Variants in EVC2 observed in about 807,000 individuals in gnomAD.
EVC2 encodes EvC ciliary complex subunit 2, also known as limbin.
A neutral mutation model predicts 149.3 loss-of-function variants in EVC2; 148 were observed. That is an observed-to-expected ratio of 0.99 (90% CI 0.87 to 1.14). The LOEUF is 1.14. Among genes scored for constraint, EVC2 ranks in the 50% most tolerant of loss-of-function variants. The probability of loss-of-function intolerance (pLI) is 0.00; values close to 1 mark genes in which losing one functional copy is unlikely to be tolerated. For synonymous variants in EVC2, 776 were observed against 649.9 expected (o/e 1.19, Z -2.95); for missense variants, 1,854 against 1,627.3 (o/e 1.14, Z -2.40).
chr4:5,546,427 A>G (rs938476669), intron 21 of EVC2, among the ~76,000 whole-genome samples: 58 of 152,168 alleles, frequency 3.8e-4, no homozygotes, highest in Admixed American at 9.2e-4. Flanking sequence ...GACATGGATG[A>G]AACTGGAAAC....
intron 18 of EVC2, among the ~76,000 whole-genome samples, chr4:5,575,690 G>A (rs1722884011): frequency 6.6e-6 from 1 of 152,176 alleles, no homozygotes; most frequent in African/African-American, 2.4e-5. Flanking sequence ...TAAAAATTGT[G>A]TTTTTCCAAG....
chr4:5,584,492 T>C (rs1712088691), intron 17 of EVC2, 131 bp downstream of exon 17: 1 of 943,366 alleles, frequency 1.1e-6, no homozygotes, highest in Non-Finnish European at 1.6e-6. Context: ...TGTCACTTCG[T>C]TTAATCCTCA....
intron 11 of EVC2, among the ~76,000 whole-genome samples, chr4:5,629,935 G>C (rs1161284203): frequency 6.6e-6 from 1 of 152,206 alleles, no homozygotes; most frequent in Non-Finnish European, 1.5e-5. Context: ...ATCACCTGTG[G>C]AGTTACTTTC....
Position 5,670,765 on chromosome 4 carries a change from G to A in EVC2, c.871-5116C>T, listed in dbSNP as rs920192092. Among the ~76,000 whole-genome samples, 41 of 136,656 alleles carry A rather than the reference G, an allele frequency of 3.0e-4. No individual in the cohort carries two copies. Among genetic ancestry groups the A allele is most frequent in the African/African-American group, 9.5e-4 (34 of 35,692 alleles). The allele number at this position is 136,656 out of a possible 152,430, so 89.7% of individuals were successfully genotyped here. ...CATCAACGCCATCATCAGCAGCATCGCCATCAAATTCATTATCACCATCAC... is the reference window on the plus strand; with the variant it reads ...CATCAACGCCATCATCAGCAGCATCACCATCAAATTCATTATCACCATCAC... On this transcript the variant is annotated intron_variant, in intron 7 of 21. Coordinates refer to ENST00000344408, the MANE Select transcript of EVC2 (RefSeq NM_147127.5). The surrounding 1 kb of genome is among the most constrained non-coding windows in gnomAD (Gnocchi z 5.2).
At chr4:5,546,357 A>G (rs989837490) in intron 21 of EVC2, among the ~76,000 whole-genome samples, 1 of 152,226 alleles carries the variant, frequency 6.6e-6, no homozygotes, top group African/African-American at 2.4e-5. Context: ...AACGTGGCAC[A>G]TATACACCAT....
intron 7 of EVC2, among the ~76,000 whole-genome samples, chr4:5,678,102 C>G (rs1720110088): frequency 6.6e-6 from 1 of 152,238 alleles, no homozygotes; most frequent in Non-Finnish European, 1.5e-5. Context: ...TGGGCCTCAG[C>G]TGATGTCTGG....
Position 5,619,575 on chromosome 4 carries a change from G to A in EVC2, c.2502-893C>T, listed in dbSNP as rs115537910. Among the ~76,000 whole-genome samples, 834 of 152,298 alleles carry A rather than the reference G, an allele frequency of 5.5e-3. 6 individuals are homozygous for A. The highest frequency in any genetic ancestry group is 0.019 in the African/African-American group (798 of 41,572). On this transcript the variant is annotated intron_variant, in intron 14 of 21. Coordinates refer to ENST00000344408, the MANE Select transcript of EVC2 (RefSeq NM_147127.5). ...GGACTTCCTACCTTCAGAACAGTGG[G>A]AGAATATATTTCTGTTGTTTTAAGC...
chr4:5,707,383 G>C (rs1395790983), intron 1 of EVC2, among the ~76,000 whole-genome samples: 1 of 152,116 alleles, frequency 6.6e-6, no homozygotes, highest in Non-Finnish European at 1.5e-5. Flanking sequence ...CACCACCCTA[G>C]GAGAGAGGTG....
At chr4:5,547,710 T>C (rs1426572395) in intron 21 of EVC2, among the ~76,000 whole-genome samples, 1 of 152,194 alleles carries the variant, frequency 6.6e-6, no homozygotes, top group Non-Finnish European at 1.5e-5. Context: ...TCCACTTGTC[T>C]GCGTGCTTCA....
chr4:5,627,520 G>A (rs1361816754), intron 12 of EVC2, among the ~76,000 whole-genome samples: 2 of 152,136 alleles, frequency 1.3e-5, no homozygotes, highest in African/African-American at 4.8e-5. Flanking sequence ...TCCCAACAAG[G>A]TTACCTAGTA....
intron 15 of EVC2, 143 bp from the exon 16 acceptor site, chr4:5,615,687 G>A (rs1427857445): frequency 8.3e-7 from 1 of 1,207,150 alleles, no homozygotes; most frequent in Non-Finnish European, 1.2e-6. Flanking sequence ...GAGGGGAGGA[G>A]AGAGGTATGT....
intron 10 of EVC2, among the ~76,000 whole-genome samples, chr4:5,635,288 C>T (rs931110906): frequency 1.3e-5 from 2 of 152,152 alleles, no homozygotes; most frequent in African/African-American, 4.8e-5. Flanking sequence ...CCACCTGTCT[C>T]GGCATCCCAA....
chr4:5,676,726 C>T (rs1720018898), intron 7 of EVC2, among the ~76,000 whole-genome samples: 1 of 152,214 alleles, frequency 6.6e-6, no homozygotes, highest in Admixed American at 6.5e-5. Flanking sequence ...CTCCAGGAAG[C>T]CTGCCAGTCC....
chr4:5,532,226 A>C, the EVC2 span, among the ~76,000 whole-genome samples: 8 of 152,084 alleles, frequency 5.3e-5, no homozygotes, highest in African/African-American at 1.9e-4. Flanking sequence ...CTCCAGCCTA[A>C]AGGCCATCTG....
Position 5,691,266 on chromosome 4 carries a change from A to C in EVC2, c.518T>G (p.Leu173Arg). ...ENGVIFQKCA[L>R]VSGSSEAQTA... Reference sequence around the variant, plus strand: ...TATACACCACCAGTGGAAACTTACCAGTGCACATTTCTGAAAAATTACTCC... The same window carrying C: ...TATACACCACCAGTGGAAACTTACCCGTGCACATTTCTGAAAAATTACTCC... The change falls in exon 4 of 22, where the codon CTG (leucine) becomes CGG (arginine). Residue 173 changes from leucine to arginine, a missense_variant and splice_region_variant. By Grantham distance (102) the Leu-to-Arg change is moderately radical. Coordinates refer to ENST00000344408, the MANE Select transcript of EVC2 (RefSeq NM_147127.5). The C allele has an allele frequency of 6.2e-7, 1 of 1,613,076 alleles. No individual in the cohort carries two copies. The highest frequency in any genetic ancestry group is 8.5e-7 in the Non-Finnish European group (1 of 1,179,144).
chr4:5,635,744 C>G lies in EVC2; in HGVS notation c.1471-3712G>C, dbSNP rs551066260. Among the ~76,000 whole-genome samples the G allele has an allele frequency of 2.0e-5, 3 of 152,320 alleles. No homozygotes were observed. In the South Asian group the frequency reaches 6.2e-4, roughly 32 times the overall value. On this transcript the variant is annotated intron_variant, in intron 10 of 21. Coordinates refer to ENST00000344408, the MANE Select transcript of EVC2 (RefSeq NM_147127.5). ...AATTCTTGTGCTGAGGACAAAGACT[C>G]ACACAGGGGTTAGAAAGCCTCAGGC...
chr4:5,615,657 A>G lies in EVC2; in HGVS notation c.2707-113T>C. 3 of 1,482,512 alleles carry G rather than the reference A, an allele frequency of 2.0e-6. No individual in the cohort carries two copies. In the South Asian group the frequency reaches 3.4e-5, roughly 17 times the overall value. The allele number at this position is 1,482,512 out of a possible 1,614,324, so 91.8% of individuals were successfully genotyped here. A position where few individuals can be genotyped will look rare whatever the true frequency, so the allele number is the denominator to read the frequency against. The stretch of plus-strand genomic sequence containing the variant: ...AGTTTCTGCAGCTCCCAGAACTGCA[A>G]AACTCTGCCTTAGGCCAGAGAGGGG... On this transcript the variant is annotated intron_variant, in intron 15 of 21. Transcript: ENST00000344408.
chr4:5,709,383 C>T (rs938006320), upstream of EVC2: 2 of 152,262 alleles, frequency 1.3e-5, no homozygotes, highest in African/African-American at 2.4e-5. Flanking sequence ...GCTCCACTCC[C>T]GCCAGCCTTC....
At chr4:5,660,293 A>C (rs1348134240) in intron 9 of EVC2, among the ~76,000 whole-genome samples, 1 of 152,158 alleles carries the variant, frequency 6.6e-6, no homozygotes, top group Non-Finnish European at 1.5e-5. Context: ...CTGGCTCTTC[A>C]CCAGGCACTC....
Sources: gnomAD v4.1 joint callset for allele counts (sites outside exome capture counted in the v4.1 genomes callset) on GRCh38, gnomAD v4.1.1 for gene constraint, Gnocchi (gnomAD v3.1) non-coding constraint, MANE v1.5 for transcripts, NCBI Gene and HGNC (gene_info 2026-07-23, HGNC 2026-07-21) for gene names.